Variants in PTPRD observed in about 807,000 individuals in gnomAD.
The protein encoded by PTPRD is protein tyrosine phosphatase receptor type D.
In PTPRD, 34 loss-of-function variants were observed where a neutral mutation model predicts 214.5. The observed-to-expected ratio is 0.16, with a 90% CI of 0.12 to 0.21. The LOEUF (loss-of-function observed/expected upper bound fraction) is 0.21, where lower values mean the gene tolerates loss of function less well. PTPRD is among the 10% of genes least tolerant of loss of function. PTPRD has a pLI of 1.00. For missense variants in PTPRD, 2,545 were observed against 2,398.7 expected (o/e 1.06, Z -1.27); for synonymous variants, 1,128 against 845.7 (o/e 1.33, Z -5.79).
At chr9:9,854,756 A>G (rs2061229835) in intron 5 of PTPRD, among the ~76,000 whole-genome samples, 1 of 152,046 alleles carries the variant, frequency 6.6e-6, no homozygotes, top group Admixed American at 6.6e-5. Context: ...CCCCCAGAAA[A>G]CCAGCAAAAA....
intron 3 of PTPRD, among the ~76,000 whole-genome samples, chr9:10,335,000 A>G (rs1055166809): frequency 1.3e-5 from 2 of 151,804 alleles, no homozygotes; most frequent in African/African-American, 2.4e-5. Flanking sequence ...CAATGTCAAC[A>G]TAACAGTTCT....
chr9:9,004,449 C>G lies in PTPRD; in HGVS notation c.-104+14248G>C, dbSNP rs777515135. Among the ~76,000 whole-genome samples the G allele has an allele frequency of 4.0e-5, 6 of 151,858 alleles. No homozygotes were observed. The East Asian group carries it at 1.2e-3, about 29-fold the overall frequency. On this transcript the variant is annotated intron_variant, in intron 11 of 45. Coordinates refer to ENST00000381196, the MANE Select transcript of PTPRD (RefSeq NM_002839.4). ...TATATAGTATAAACTCTCTGGAATTCGAAAATTTTGGCACATAACACTCTG... is the reference window on the plus strand; with the variant it reads ...TATATAGTATAAACTCTCTGGAATTGGAAAATTTTGGCACATAACACTCTG...
At chr9:8,743,104 T>TA (rs547291774) in intron 11 of PTPRD, among the ~76,000 whole-genome samples, 4 of 94,722 alleles carry the variant, frequency 4.2e-5, no homozygotes, top group Non-Finnish European at 6.8e-5. Flanking sequence ...AATTCCAAAT[T>TA]AAAAAAAAAA....
At chr9:8,664,390 T>C (rs1002909400) in intron 12 of PTPRD, among the ~76,000 whole-genome samples, 4 of 152,234 alleles carry the variant, frequency 2.6e-5, no homozygotes, top group Non-Finnish European at 5.9e-5. Flanking sequence ...CACAAGTGTG[T>C]AGATGCTGCC....
intron 7 of PTPRD, among the ~76,000 whole-genome samples, chr9:9,696,382 C>G (rs2097374082): frequency 6.6e-6 from 1 of 152,080 alleles, no homozygotes; most frequent in African/African-American, 2.4e-5. Context: ...ATAACCTGTT[C>G]ATTACTGCGA....
At chr9:8,654,393 T>G (rs2096870300) in intron 12 of PTPRD, among the ~76,000 whole-genome samples, 1 of 152,180 alleles carries the variant, frequency 6.6e-6, no homozygotes, top group South Asian at 2.1e-4. Flanking sequence ...TCCTCCGATA[T>G]TACAACGCTC....
At chr9:10,061,413 A>G (rs1193797949) in intron 3 of PTPRD, among the ~76,000 whole-genome samples, 1 of 152,094 alleles carries the variant, frequency 6.6e-6, no homozygotes, top group Non-Finnish European at 1.5e-5. Context: ...TAGCATTTAT[A>G]CTGTTCTTCC....
intron 11 of PTPRD, among the ~76,000 whole-genome samples, chr9:8,906,335 G>A (rs12377475): frequency 6.6e-6 from 1 of 152,142 alleles, no homozygotes; most frequent in Non-Finnish European, 1.5e-5. Flanking sequence ...TTTACAATTA[G>A]TTTGAGTGAC....
chr9:9,145,911 A>G (rs772044436), intron 10 of PTPRD, among the ~76,000 whole-genome samples: 40 of 152,238 alleles, frequency 2.6e-4, no homozygotes, highest in Non-Finnish European at 5.0e-4. Flanking sequence ...ATAGGCACGT[A>G]TCATCAACCA....
At chr9:9,239,359 A>G (rs2099969130) in intron 9 of PTPRD, among the ~76,000 whole-genome samples, 1 of 152,138 alleles carries the variant, frequency 6.6e-6, no homozygotes, top group Non-Finnish European at 1.5e-5. Context: ...GTCAGCATCA[A>G]ATATAATACA....
intron 7 of PTPRD, among the ~76,000 whole-genome samples, chr9:9,645,113 C>A (rs1389471610): frequency 6.6e-6 from 1 of 152,188 alleles, no homozygotes; most frequent in Non-Finnish European, 1.5e-5. Context: ...GGGGCCAGAG[C>A]CCAAAAGCGC....
intron 5 of PTPRD, among the ~76,000 whole-genome samples, chr9:9,777,825 A>C (rs2098810643): frequency 6.6e-6 from 1 of 152,222 alleles, no homozygotes; most frequent in Non-Finnish European, 1.5e-5. Context: ...ATAAATTGTA[A>C]ATTTCTATAA....
chr9:10,081,124 G>A (rs1333624620), intron 3 of PTPRD, among the ~76,000 whole-genome samples: 1 of 151,510 alleles, frequency 6.6e-6, no homozygotes, highest in East Asian at 1.9e-4. Context: ...AAGGCATAAG[G>A]ATAAATAAGC....
intron 3 of PTPRD, among the ~76,000 whole-genome samples, chr9:10,264,477 T>G (rs759651651): frequency 2.6e-5 from 4 of 152,172 alleles, no homozygotes; most frequent in Non-Finnish European, 5.9e-5. Context: ...GCTTTAAGAT[T>G]TGACTGCCCT....
chr9:9,373,978 C>T (rs189150550), intron 9 of PTPRD, among the ~76,000 whole-genome samples: 38 of 151,750 alleles, frequency 2.5e-4, no homozygotes, highest in East Asian at 5.8e-4. Flanking sequence ...ATTTGGCTTA[C>T]GGTAGCTTTC....
chr9:9,160,182 T>C (rs1467736271), intron 10 of PTPRD, among the ~76,000 whole-genome samples: 1 of 152,112 alleles, frequency 6.6e-6, no homozygotes, highest in African/African-American at 2.4e-5. Context: ...AAGCAAAACA[T>C]AGACAAATGG....
At chr9:9,730,858 T>C (rs563579998) in intron 7 of PTPRD, among the ~76,000 whole-genome samples, 1 of 152,122 alleles carries the variant, frequency 6.6e-6, no homozygotes, top group Non-Finnish European at 1.5e-5. Context: ...ATAAAGCACC[T>C]AGCATTGCAC....
intron 44 of PTPRD, among the ~76,000 whole-genome samples, chr9:8,329,868 G>A (rs1587485): frequency 1.3e-5 from 2 of 151,670 alleles, no homozygotes; most frequent in African/African-American, 4.8e-5. Flanking sequence ...CTCCCCTCAC[G>A]AAGCTCGAAT....
rs1450698542 is a variant in PTPRD, at chr9:8,331,567, C to CAAATGGAAACTTACCTGCA, written c.5530_5534+14dup. 1 of 870,822 alleles carries CAAATGGAAACTTACCTGCA rather than the reference C, an allele frequency of 1.1e-6. No individual in the cohort carries two copies. Among genetic ancestry groups the CAAATGGAAACTTACCTGCA allele is most frequent in the Non-Finnish European group, 1.5e-6 (1 of 679,710 alleles). 53.9% of individuals were successfully genotyped at this position (870,822 alleles called of 1,614,324 possible). A position where few individuals can be genotyped will look rare whatever the true frequency, so the allele number is the denominator to read the frequency against. ...CCACCACTTATCACTGCTTTATTCA[C>CAAATGGAAACTTACCTGCA]AAATGGAAACTTACCTGCAATGGAC... On this transcript the variant is annotated intron_variant, in intron 44 of 45. Coordinates refer to ENST00000381196, the MANE Select transcript of PTPRD (RefSeq NM_002839.4).
Sources: gnomAD v4.1 joint callset for allele counts (sites outside exome capture counted in the v4.1 genomes callset) on GRCh38, gnomAD v4.1.1 for gene constraint, MANE v1.5 for transcripts, NCBI Gene and HGNC (gene_info 2026-07-23, HGNC 2026-07-21) for gene names.